MTERF3: variants seen among roughly 807,000 people sequenced by gnomAD.
The protein encoded by MTERF3 is transcription termination factor 3, mitochondrial.
In MTERF3, 40 loss-of-function variants were observed where a neutral mutation model predicts 40.5. The ratio of observed to expected loss-of-function variants is 0.99; its 90% confidence interval spans 0.77 to 1.29. The LOEUF (loss-of-function observed/expected upper bound fraction) is 1.29, where lower values mean the gene tolerates loss of function less well. MTERF3 is among the 50% of genes most tolerant of loss of function. The probability of loss-of-function intolerance (pLI) is 0.00; values close to 1 mark genes in which losing one functional copy is unlikely to be tolerated. For synonymous variants in MTERF3, 158 were observed against 166.6 expected, an observed-to-expected ratio of 0.95 and a Z score of 0.40; for missense variants, 452 against 478.2, an observed-to-expected ratio of 0.95 and a Z score of 0.51.
intron 4 of MTERF3, 77 bp from the exon 5 acceptor site, chr8:96,246,531 C>G: frequency 1.6e-6 from 2 of 1,283,718 alleles, no homozygotes; most frequent in East Asian, 5.3e-5. Context: ...CATGCTACTT[C>G]CCAAAGTAAC....
chr8:96,245,161 GGGA>G lies in MTERF3; in HGVS notation c.897+696_897+698del, dbSNP rs532943996. Reference sequence around the variant, plus strand: ...TCCCCCACTAGATTGTAAGCTCCTTGGGAGGAGAAGCTGTCTCCTCAGCATGGC... The same window carrying G: ...TCCCCCACTAGATTGTAAGCTCCTTGGGAGAAGCTGTCTCCTCAGCATGGC... On this transcript the variant is annotated intron_variant, in intron 6 of 7. Transcript: ENST00000287025. 7.0e-3 allele frequency among the ~76,000 whole-genome samples: 1,071 copies of G among 152,034 alleles called. 7 individuals carry two copies. Among genetic ancestry groups the G allele is most frequent in the Non-Finnish European group, 0.011 (731 of 67,990 alleles).
intron 7 of MTERF3, among the ~76,000 whole-genome samples, chr8:96,241,683 G>A (rs577163052): frequency 2.0e-5 from 3 of 152,094 alleles, no homozygotes; most frequent in Non-Finnish European, 4.4e-5. Context: ...GTGGTGGTGT[G>A]GGGGGAGAGT....
At chr8:96,249,967 G>A (rs548202195) in intron 4 of MTERF3, among the ~76,000 whole-genome samples, 6 of 152,240 alleles carry the variant, frequency 3.9e-5, no homozygotes, top group Non-Finnish European at 8.8e-5. Flanking sequence ...AGGTGGGGGC[G>A]ACGATGAATT....
At chr8:96,245,774 T>C in intron 6 of MTERF3, 86 bp downstream of exon 6, 1 of 1,166,368 alleles carries the variant, frequency 8.6e-7, no homozygotes, top group Non-Finnish European at 1.2e-6. Flanking sequence ...AGTTTTCTTT[T>C]ACATGACAAT....
rs571351608 is a variant in MTERF3 at position 96,254,210 on chromosome 8, T to C, written c.487+2752A>G. On this transcript the variant is annotated intron_variant, in intron 3 of 7. Transcript: ENST00000287025. ...CATGCTGTTTTGACATTTGTATACA[T>C]AGTGGAACGATTAAATCAAGCTAAT... Among the ~76,000 whole-genome samples, 4 of 152,356 alleles carry C rather than the reference T, an allele frequency of 2.6e-5. No individual in the cohort carries two copies. In the South Asian group the frequency reaches 6.2e-4, roughly 24 times the overall value.
intron 3 of MTERF3, among the ~76,000 whole-genome samples, chr8:96,255,339 C>T (rs1412673443): frequency 6.6e-6 from 1 of 152,004 alleles, no homozygotes; most frequent in Non-Finnish European, 1.5e-5. Context: ...GGGACAAAAG[C>T]AATAAGAATC....
At chr8:96,258,145 A>G in intron 2 of MTERF3, 1 of 650,320 alleles carries the variant, frequency 1.5e-6, no homozygotes, top group Non-Finnish European at 1.9e-6. Flanking sequence ...TTATATGTGT[A>G]GCTATAAAAT....
chr8:96,251,181 G>A, intron 3 of MTERF3, 86 bp from the exon 4 acceptor site: 1 of 1,045,808 alleles, frequency 9.6e-7, no homozygotes, highest in Non-Finnish European at 1.3e-6. Context: ...AATTACTGAT[G>A]GAGATCAACA....
intron 4 of MTERF3, among the ~76,000 whole-genome samples, chr8:96,247,723 TAC>T (rs1014302718): frequency 1.3e-5 from 2 of 152,058 alleles, no homozygotes; most frequent in African/African-American, 4.8e-5. Context: ...AAAATATTTA[TAC>T]GTTTAAGTAT....
At chr8:96,260,064 C>T (rs1810354004) in intron 1 of MTERF3, 1 of 151,972 alleles carries the variant, frequency 6.6e-6, no homozygotes, top group Non-Finnish European at 1.5e-5. Context: ...GCTACTATGC[C>T]CGGCTAATTT....
In MTERF3 at chr8:96,239,443, C is replaced by CAT. The variant is rs1057191423; in HGVS notation, c.*46_*47dup. On this transcript the variant is annotated 3_prime_UTR_variant, in exon 8 of 8. Transcript: ENST00000287025. ...GCATTTAAAAATATATTCATTTATT[C>CAT]ATATATATATTCACTTTACAATACT... 13 of 1,308,856 alleles carry CAT rather than the reference C, an allele frequency of 9.9e-6. No homozygotes were observed. Among genetic ancestry groups the CAT allele is most frequent in the Middle Eastern group, 2.5e-4 (1 of 4,012 alleles). The allele number at this position is 1,308,856 out of a possible 1,614,324, so 81.1% of individuals were successfully genotyped here. A position where few individuals can be genotyped will look rare whatever the true frequency, so the allele number is the denominator to read the frequency against.
At position 96,246,276 on chromosome 8, in the gene MTERF3, G is replaced by A. The variant is rs751222909; in HGVS notation, c.825+31C>T. 15 of 1,568,188 alleles carry A rather than the reference G, an allele frequency of 9.6e-6. No homozygotes were observed. In the Admixed American group the frequency reaches 2.1e-4, roughly 21 times the overall value. On this transcript the variant is annotated intron_variant, in intron 5 of 7. Transcript: ENST00000287025. ...TCAGCTATTAAAATGTACCTGACAT[G>A]GAAATAAACAAATTCTCTCCTTTTC...
intron 7 of MTERF3, among the ~76,000 whole-genome samples, chr8:96,240,125 G>A (rs902645050): frequency 6.6e-6 from 1 of 152,120 alleles, no homozygotes; most frequent in African/African-American, 2.4e-5. Context: ...GCGCATGCCT[G>A]TAATCCCAGC....
intron 4 of MTERF3, among the ~76,000 whole-genome samples, chr8:96,250,122 G>C (rs541846240): frequency 6.6e-5 from 10 of 152,236 alleles, no homozygotes; most frequent in South Asian, 6.2e-4. Flanking sequence ...ATGAAGTACA[G>C]AGATGTTTAT....
intron 2 of MTERF3, 104 bp downstream of exon 2, chr8:96,258,253 T>G (rs1365162547): frequency 6.3e-6 from 9 of 1,429,480 alleles, no homozygotes; most frequent in Non-Finnish European, 8.3e-6. Context: ...TTTTCTTTCT[T>G]GGCACAAAAT....
intron 4 of MTERF3, among the ~76,000 whole-genome samples, chr8:96,248,569 T>C (rs1367080447): frequency 6.6e-6 from 1 of 152,180 alleles, no homozygotes; most frequent in African/African-American, 2.4e-5. Flanking sequence ...GATAGGTGGG[T>C]CTTGAAAGGC....
At chr8:96,241,845 A>G (rs1032589006) in intron 7 of MTERF3, among the ~76,000 whole-genome samples, 4 of 152,208 alleles carry the variant, frequency 2.6e-5, no homozygotes, top group Admixed American at 2.6e-4. Flanking sequence ...GCCTTCACAG[A>G]AAGTCACAGA....
At chr8:96,244,155 T>A in intron 6 of MTERF3, 75 bp from the exon 7 acceptor site, 3 of 299,740 alleles carry the variant, frequency 1.0e-5, no homozygotes, top group South Asian at 1.1e-4. Flanking sequence ...GCTGCACTGA[T>A]TTTTTTTTTT....
At chr8:96,246,090 GA>G (rs1365138736) in intron 5 of MTERF3, among the ~76,000 whole-genome samples, 159 bp from the exon 6 acceptor site, 1 of 151,946 alleles carries the variant, frequency 6.6e-6, no homozygotes, top group Non-Finnish European at 1.5e-5. Flanking sequence ...ATACTGTTTG[GA>G]AAAAAAGAAA....
Sources: allele counts gnomAD v4.1 joint callset (sites outside exome capture counted in the v4.1 genomes callset), GRCh38; gene constraint gnomAD v4.1.1; transcripts MANE v1.5; gene names NCBI Gene and HGNC (gene_info 2026-07-23, HGNC 2026-07-21).